The following TMEM72 variants were observed in gnomAD, a reference collection of about 807,000 sequenced individuals.
The protein encoded by TMEM72 is kidney-specific secretory protein of 37 kDa.
A neutral mutation model predicts 16.3 loss-of-function variants in TMEM72; 9 were observed. That is an observed-to-expected ratio of 0.55 (90% CI 0.33 to 0.96). The LOEUF is 0.96. Among genes scored for constraint, TMEM72 ranks in the 40% least tolerant of loss-of-function variants. The pLI, the probability that TMEM72 is intolerant of heterozygous loss-of-function variation, is 0.03. For missense variants in TMEM72, 324 were observed against 337.8 expected (o/e 0.96, Z 0.32); for synonymous variants, 160 against 146.5 (o/e 1.09, Z -0.66).
chr10:44,911,467 A>C lies in TMEM72; in HGVS notation c.-46A>C. The C allele has an allele frequency of 6.5e-7, 1 of 1,542,438 alleles. No individual in the cohort carries two copies. The highest frequency in any genetic ancestry group is 8.8e-7 in the Non-Finnish European group (1 of 1,141,570). ...GTTCGGGAGCATCTCAGGGCCGAAG[A>C]CTTTGCTGCCTGCCCTGCCAGGACT... On this transcript the variant is annotated 5_prime_UTR_variant, in exon 1 of 5. Transcript: ENST00000389583.
At chr10:44,926,497 T>C (rs1840195643) in intron 1 of TMEM72, among the ~76,000 whole-genome samples, 1 of 152,182 alleles carries the variant, frequency 6.6e-6, no homozygotes, top group Non-Finnish European at 1.5e-5. Flanking sequence ...TCTGTAAGTT[T>C]TGACTCTTCA....
At chr10:44,914,573 T>C (rs907021164) in intron 1 of TMEM72, among the ~76,000 whole-genome samples, 20 of 152,206 alleles carry the variant, frequency 1.3e-4, no homozygotes, top group African/African-American at 4.6e-4. Flanking sequence ...CACATTCCCC[T>C]GTGCGGATGC....
chr10:44,912,498 G>C (rs74974057), intron 1 of TMEM72, among the ~76,000 whole-genome samples: 1 of 152,184 alleles, frequency 6.6e-6, no homozygotes, highest in Non-Finnish European at 1.5e-5. Context: ...GCTTACCCAC[G>C]GGTCTTACCA....
rs78574491 is a variant in TMEM72 at position 44,928,959 on chromosome 10, T to C, written c.137+972T>C. On this transcript the variant is annotated intron_variant, in intron 2 of 4. Coordinates refer to ENST00000389583, the MANE Select transcript of TMEM72 (RefSeq NM_001123376.3). ...GGGAATCAGGTCAAAGAAATATATA[T>C]TTGAGCTTCTCTACATGCCAAATAC... Among the ~76,000 whole-genome samples the C allele has an allele frequency of 2.3e-4, 35 of 152,354 alleles. No homozygotes were observed. The East Asian group carries it at 6.7e-3, about 29-fold the overall frequency.
chr10:44,934,006 G>A (rs528272476), intron 4 of TMEM72, among the ~76,000 whole-genome samples: 36 of 152,296 alleles, frequency 2.4e-4, no homozygotes, highest in Non-Finnish European at 4.0e-4. Context: ...TCACAGAGCC[G>A]TACAGAAGTG....
chr10:44,936,890 A>C lies in TMEM72; in HGVS notation c.*1756A>C, dbSNP rs1202639125. 6 of 152,248 alleles carry C rather than the reference A, an allele frequency of 3.9e-5. No individual in the cohort carries two copies. Among genetic ancestry groups the C allele is most frequent in the African/African-American group, 1.4e-4 (6 of 41,444 alleles). 9.4% of individuals were successfully genotyped at this position (152,248 alleles called of 1,614,324 possible). On this transcript the variant is annotated 3_prime_UTR_variant, in exon 5 of 5. Transcript: ENST00000389583. ...AGCCTCTGACGTTCCTCTGCATCAG[A>C]GTAGTTCTGTCCTCGAAGCCCCAGT...
At chr10:44,928,923 T>A (rs542322966) in intron 2 of TMEM72, among the ~76,000 whole-genome samples, 49 of 152,346 alleles carry the variant, frequency 3.2e-4, no homozygotes, top group African/African-American at 1.2e-3. Context: ...TGAGCTCTTG[T>A]TTAGAGAATG....
At chr10:44,928,137 T>A (rs1840230163) in intron 2 of TMEM72, 150 bp downstream of exon 2, 3 of 815,012 alleles carry the variant, frequency 3.7e-6, no homozygotes. Context: ...GGCTCTAGAA[T>A]AGCTCCTGGT....
chr10:44,925,382 C>A (rs1840169594), intron 1 of TMEM72, among the ~76,000 whole-genome samples: 1 of 152,234 alleles, frequency 6.6e-6, no homozygotes, highest in Admixed American at 6.5e-5. Context: ...TCGTCTGCCA[C>A]AAGCCCCCTG....
At chr10:44,917,385 G>C (rs2132712465) in intron 1 of TMEM72, among the ~76,000 whole-genome samples, 1 of 152,286 alleles carries the variant, frequency 6.6e-6, no homozygotes, top group East Asian at 1.9e-4. Flanking sequence ...GAGGAAAGGA[G>C]CAAAGCAGTA....
At chr10:44,927,007 C>A (rs1193057890) in intron 1 of TMEM72, among the ~76,000 whole-genome samples, 3 of 152,092 alleles carry the variant, frequency 2.0e-5, no homozygotes, top group African/African-American at 7.2e-5. Flanking sequence ...GAGAGGCCAC[C>A]CCCAGGCAGC....
intron 1 of TMEM72, among the ~76,000 whole-genome samples, chr10:44,924,526 C>A (rs1589043444): frequency 2.5e-5 from 1 of 39,468 alleles, no homozygotes; most frequent in Non-Finnish European, 9.5e-5. Context: ...CCAGGAGCCG[C>A]CCCCCAAGGA....
At chr10:44,912,426 G>A (rs1452385561) in intron 1 of TMEM72, among the ~76,000 whole-genome samples, 1 of 152,196 alleles carries the variant, frequency 6.6e-6, no homozygotes, top group Non-Finnish European at 1.5e-5. Flanking sequence ...GAGCCACATT[G>A]TCCCTTGGGG....
intron 2 of TMEM72, among the ~76,000 whole-genome samples, chr10:44,930,188 C>T (rs556057649): frequency 3.6e-4 from 55 of 152,222 alleles, no homozygotes; most frequent in Non-Finnish European, 7.2e-4. Context: ...TTCTCTAACA[C>T]CTGCAGGATC....
intron 1 of TMEM72, among the ~76,000 whole-genome samples, chr10:44,918,058 T>C (rs969586653): frequency 6.6e-6 from 1 of 152,128 alleles, no homozygotes; most frequent in Non-Finnish European, 1.5e-5. Flanking sequence ...ACATCCTACA[T>C]GGATGGCAGC....
At chr10:44,912,352 C>G (rs552530791) in intron 1 of TMEM72, among the ~76,000 whole-genome samples, 1 of 152,314 alleles carries the variant, frequency 6.6e-6, no homozygotes, top group African/African-American at 2.4e-5. Flanking sequence ...TAGCCCCATT[C>G]CCCCTACAGA....
chr10:44,928,458 C>T (rs945851998), intron 2 of TMEM72, among the ~76,000 whole-genome samples: 3 of 151,952 alleles, frequency 2.0e-5, no homozygotes, highest in African/African-American at 7.3e-5. Flanking sequence ...ACCCACCCAT[C>T]TATTTATCCA....
At chr10:44,924,410 A>G (rs973486314) in intron 1 of TMEM72, among the ~76,000 whole-genome samples, 1 of 152,130 alleles carries the variant, frequency 6.6e-6, no homozygotes, top group Non-Finnish European at 1.5e-5. Context: ...CACTTTTCTC[A>G]GTCCACATCA....
chr10:44,929,565 G>A (rs1443963250), intron 2 of TMEM72, among the ~76,000 whole-genome samples: 2 of 152,198 alleles, frequency 1.3e-5, no homozygotes, highest in East Asian at 3.9e-4. Context: ...GCTGTGTTTG[G>A]GGGCTCACAC....
Sources: gnomAD v4.1 joint callset for allele counts (sites outside exome capture counted in the v4.1 genomes callset) on GRCh38, gnomAD v4.1.1 for gene constraint, MANE v1.5 for transcripts, NCBI Gene and HGNC (gene_info 2026-07-23, HGNC 2026-07-21) for gene names.